LRBA: variants seen among roughly 807,000 people sequenced by gnomAD.
The protein encoded by LRBA is LPS responsive beige-like anchor protein, also known as lipopolysaccharide-responsive and beige-like anchor protein.
LRBA carries 176 observed loss-of-function variants against 330.0 expected under a neutral mutation model. The observed-to-expected ratio is 0.53, with a 90% CI of 0.47 to 0.60. The LOEUF (loss-of-function observed/expected upper bound fraction) is 0.60. Ranked by LOEUF, LRBA falls within the 20% of genes least tolerant of loss-of-function variation. The pLI, the probability that LRBA is intolerant of heterozygous loss-of-function variation, is 0.00. For synonymous variants in LRBA, 1,230 were observed against 1,193.0 expected (o/e 1.03, Z -0.64); for missense variants, 3,259 against 3,444.8 (o/e 0.95, Z 1.35).
At chr4:150,689,168 A>C (rs1184651936) in intron 36 of LRBA, among the ~76,000 whole-genome samples, 1 of 152,216 alleles carries the variant, frequency 6.6e-6, no homozygotes, top group Non-Finnish European at 1.5e-5. Flanking sequence ...AGGGACGTGG[A>C]TGAAGCTGGA....
intron 2 of LRBA, among the ~76,000 whole-genome samples, chr4:150,982,892 C>CA (rs1741012509): frequency 6.6e-6 from 1 of 152,126 alleles, no homozygotes; most frequent in Non-Finnish European, 1.5e-5. Context: ...TGGATTTACA[C>CA]AAAAGGTGCA....
At chr4:150,976,152 G>C (rs998484947) in intron 2 of LRBA, among the ~76,000 whole-genome samples, 2 of 144,870 alleles carry the variant, frequency 1.4e-5, no homozygotes, top group African/African-American at 5.3e-5. Flanking sequence ...TCCAGCTTGG[G>C]TGACAGAGTG....
chr4:150,586,363 A>G (rs1223842762), intron 40 of LRBA, among the ~76,000 whole-genome samples: 1 of 152,176 alleles, frequency 6.6e-6, no homozygotes, highest in Non-Finnish European at 1.5e-5. Flanking sequence ...TCCCCAATTC[A>G]GCATATTTTC....
intron 40 of LRBA, among the ~76,000 whole-genome samples, chr4:150,561,503 C>T (rs563282372): frequency 4.9e-4 from 75 of 152,218 alleles, no homozygotes; most frequent in African/African-American, 1.6e-3. Context: ...ACAAGAGTAC[C>T]TTAAAGTACA....
At chr4:150,544,122 CCTTT>C (rs1159900057) in intron 40 of LRBA, among the ~76,000 whole-genome samples, 2 of 151,762 alleles carry the variant, frequency 1.3e-5, no homozygotes, top group Non-Finnish European at 2.9e-5. Context: ...CATAATTCTT[CCTTT>C]CTTTTTTTTT....
intron 48 of LRBA, among the ~76,000 whole-genome samples, chr4:150,339,442 TTAACA>T (rs1364651624): frequency 2.0e-5 from 3 of 152,202 alleles, no homozygotes; most frequent in African/African-American, 7.2e-5. Context: ...TATCCTCATG[TTAACA>T]TACATTGCTT....
In LRBA at chr4:150,658,435, A is replaced by G. The variant is rs570203219; in HGVS notation, c.5921+25116T>C. ...CCTGATTGGCTGTTATCAAGTTATC[A>G]TAATACTTAGCACATGACAGGTAAG... On this transcript the variant is annotated intron_variant, in intron 37 of 56. Transcript: ENST00000651943. 4.7e-5 allele frequency among the ~76,000 whole-genome samples: 7 copies of G among 149,902 alleles called. No individual in the cohort carries two copies. In the East Asian group the frequency reaches 8.1e-4, roughly 17 times the overall value.
At chr4:150,831,522 A>G (rs931455417) in intron 29 of LRBA, among the ~76,000 whole-genome samples, 2 of 152,224 alleles carry the variant, frequency 1.3e-5, no homozygotes, top group African/African-American at 4.8e-5. Flanking sequence ...GTCTCTTAGA[A>G]TATGAGTTAG....
intron 40 of LRBA, 84 bp downstream of exon 40, chr4:150,587,964 C>A: frequency 7.1e-7 from 1 of 1,416,096 alleles, no homozygotes; most frequent in South Asian, 1.7e-5. Flanking sequence ...CAAACTAAGC[C>A]TGTCAGATTT....
At chr4:150,631,338 C>T (rs934279419) in intron 37 of LRBA, among the ~76,000 whole-genome samples, 1 of 151,932 alleles carries the variant, frequency 6.6e-6, no homozygotes, top group Non-Finnish European at 1.5e-5. Context: ...GTATGTAGTA[C>T]ACCAAAAAAG....
chr4:150,282,658 G>A lies in LRBA; in HGVS notation c.8120-12C>T. ...GAGACATGGTCCTTCTGAGAAGAGA[G>A]GAGAAATAAAAGGCAAAATTATTGA... On this transcript the variant is annotated splice_polypyrimidine_tract_variant and intron_variant, in intron 54 of 56. Coordinates refer to ENST00000651943, the MANE Select transcript of LRBA (RefSeq NM_001364905.1). 1 of 1,574,850 alleles carries A rather than the reference G, an allele frequency of 6.3e-7. No homozygotes were observed. The highest frequency in any genetic ancestry group is 8.6e-7 in the Non-Finnish European group (1 of 1,157,572).
chr4:150,321,444 A>C lies in LRBA; in HGVS notation c.7453-76T>G. 1 of 1,269,512 alleles carries C rather than the reference A, an allele frequency of 7.9e-7. No individual in the cohort carries two copies. Among genetic ancestry groups the C allele is most frequent in the Middle Eastern group, 2.7e-4 (1 of 3,708 alleles). The allele number at this position is 1,269,512 out of a possible 1,614,324, so 78.6% of individuals were successfully genotyped here. A position where few individuals can be genotyped will look rare whatever the true frequency, so the allele number is the denominator to read the frequency against. On this transcript the variant is annotated intron_variant, in intron 49 of 56. Transcript: ENST00000651943. This position sits in a 1 kb window ranked among gnomAD's most constrained non-coding sequence, Gnocchi z 4.5. Reference sequence around the variant, plus strand: ...GAAGGAAAAGATGAAGAAAGACAAGAAAGAGAGGGGGTGCAGGAAAAGAAG... The same window carrying C: ...GAAGGAAAAGATGAAGAAAGACAAGCAAGAGAGGGGGTGCAGGAAAAGAAG...
At chr4:150,542,535 T>C (rs911644588) in intron 40 of LRBA, among the ~76,000 whole-genome samples, 1 of 152,184 alleles carries the variant, frequency 6.6e-6, no homozygotes, top group Admixed American at 6.5e-5. Flanking sequence ...AAATCAGACA[T>C]AAACTCTGTC....
chr4:150,986,158 T>G (rs1741441162), intron 2 of LRBA, among the ~76,000 whole-genome samples: 1 of 152,130 alleles, frequency 6.6e-6, no homozygotes, highest in African/African-American at 2.4e-5. Context: ...ATCTGAAAAT[T>G]ATACATTAAA....
At chr4:150,815,980 CAAT>C (rs1217934120) in intron 31 of LRBA, among the ~76,000 whole-genome samples, 4 of 151,718 alleles carry the variant, frequency 2.6e-5, no homozygotes, top group African/African-American at 9.7e-5. Context: ...AACACAAGCA[CAAT>C]AACAAATAAA....
At chr4:150,547,699 G>A (rs1284788944) in intron 40 of LRBA, among the ~76,000 whole-genome samples, 1 of 151,946 alleles carries the variant, frequency 6.6e-6, no homozygotes, top group African/African-American at 2.4e-5. Context: ...TCACTCAAAA[G>A]GACTGTAGTT....
At chr4:150,376,453 G>A (rs1159128617) in intron 47 of LRBA, among the ~76,000 whole-genome samples, 1 of 152,144 alleles carries the variant, frequency 6.6e-6, no homozygotes, top group Non-Finnish European at 1.5e-5. Flanking sequence ...TACAAAAATA[G>A]TAAAAGAGTT....
At chr4:150,410,969 A>G (rs1255443398) in intron 47 of LRBA, among the ~76,000 whole-genome samples, 1 of 152,164 alleles carries the variant, frequency 6.6e-6, no homozygotes, top group Non-Finnish European at 1.5e-5. Flanking sequence ...CCGAACTCAT[A>G]AATTTTTCTA....
intron 47 of LRBA, among the ~76,000 whole-genome samples, chr4:150,396,785 T>C (rs373205707): frequency 6.6e-6 from 1 of 152,044 alleles, no homozygotes; most frequent in Non-Finnish European, 1.5e-5. Flanking sequence ...CTAGAAAAAA[T>C]AGGAAATGAT....
Sources: gnomAD v4.1 joint callset for allele counts (sites outside exome capture counted in the v4.1 genomes callset) on GRCh38, gnomAD v4.1.1 for gene constraint, Gnocchi (gnomAD v3.1) non-coding constraint, MANE v1.5 for transcripts, NCBI Gene and HGNC (gene_info 2026-07-23, HGNC 2026-07-21) for gene names.